CELSR1: variants seen among roughly 807,000 people sequenced by gnomAD.
The protein encoded by CELSR1 is cadherin EGF LAG seven-pass G-type receptor 1.
A neutral mutation model predicts 249.1 loss-of-function variants in CELSR1; 110 were observed. The observed-to-expected ratio is 0.44, with a 90% CI of 0.38 to 0.52. The LOEUF is 0.52. CELSR1 is among the 20% of genes least tolerant of loss of function. The probability of loss-of-function intolerance (pLI) is 0.00; values close to 1 mark genes in which losing one functional copy is unlikely to be tolerated. For missense variants in CELSR1, 4,109 were observed against 4,296.4 expected (o/e 0.96, Z 1.22); for synonymous variants, 2,113 against 1,900.0 (o/e 1.11, Z -2.92).
intron 1 of CELSR1, among the ~76,000 whole-genome samples, chr22:46,531,783 G>A (rs574637284): frequency 5.3e-5 from 8 of 152,306 alleles, no homozygotes; most frequent in Non-Finnish European, 1.0e-4. Context: ...AAATAAAAGA[G>A]TAAAGAAAAC....
chr22:46,383,141 G>C (rs929902945), intron 20 of CELSR1, among the ~76,000 whole-genome samples: 3 of 152,208 alleles, frequency 2.0e-5, no homozygotes, highest in African/African-American at 7.2e-5. Flanking sequence ...ATTAGTTCCA[G>C]AGAGAGCTGG....
chr22:46,385,769 C>T (rs2079025919), intron 19 of CELSR1, among the ~76,000 whole-genome samples: 1 of 151,616 alleles, frequency 6.6e-6, no homozygotes, highest in Non-Finnish European at 1.5e-5. Flanking sequence ...GCTCCGCTTC[C>T]CGGGTTCACG....
chr22:46,388,675 G>A (rs551622268), intron 18 of CELSR1, among the ~76,000 whole-genome samples: 30 of 152,342 alleles, frequency 2.0e-4, no homozygotes, highest in African/African-American at 5.8e-4. Flanking sequence ...GAGCCACAAC[G>A]AAACTTCTGG....
chr22:46,449,456 A>G lies in CELSR1; in HGVS notation c.4184-10045T>C, dbSNP rs2079858092. Among the ~76,000 whole-genome samples the G allele has an allele frequency of 2.6e-5, 4 of 151,502 alleles. No individual in the cohort carries two copies. In the South Asian group the frequency reaches 8.4e-4, roughly 32 times the overall value. On this transcript the variant is annotated intron_variant, in intron 2 of 34. Coordinates refer to ENST00000674500, the MANE Select transcript of CELSR1 (RefSeq NM_001378328.1). ...CCATCCATCCATCCAACCACCCATC[A>G]TGCATCAACCCACCCACCCAACTAT...
intron 27 of CELSR1, 107 bp downstream of exon 27, chr22:46,369,072 T>C (rs1274449970): frequency 1.1e-6 from 1 of 906,826 alleles, no homozygotes; most frequent in Admixed American, 2.1e-5. Context: ...CCAGCCCTCC[T>C]CCATGAGGCC....
rs116723572 is a variant in CELSR1, at chr22:46,483,535, C to T, written c.3545-19190G>A. On this transcript the variant is annotated intron_variant, in intron 1 of 34. Coordinates refer to ENST00000674500, the MANE Select transcript of CELSR1 (RefSeq NM_001378328.1). ...TTCCTCTGTGAACTTGGGCAAGTCACTTAACCTCTATGTGCTTTGGTTTCC... is the reference window on the plus strand; with the variant it reads ...TTCCTCTGTGAACTTGGGCAAGTCATTTAACCTCTATGTGCTTTGGTTTCC... Among the ~76,000 whole-genome samples, 1,206 of 152,264 alleles carry T rather than the reference C, an allele frequency of 7.9e-3. 23 individuals are homozygous for T. Among genetic ancestry groups the T allele is most frequent in the African/African-American group, 0.028 (1,171 of 41,548 alleles).
At position 46,473,986 on chromosome 22, in the gene CELSR1, G is replaced by A. The variant is rs2080181520; in HGVS notation, c.3545-9641C>T. On this transcript the variant is annotated intron_variant, in intron 1 of 34. Transcript: ENST00000674500. The surrounding 1 kb of genome is among the most constrained non-coding windows in gnomAD (Gnocchi z 6.6). ...GAACAAGGGGACAAGCACTTTCAGG[G>A]TTGGGTGTGCGGCGCATGTCAGGAT... 6.6e-6 allele frequency among the ~76,000 whole-genome samples: 1 copy of A among 152,188 alleles called. No homozygotes were observed. Among genetic ancestry groups the A allele is most frequent in the African/African-American group, 2.4e-5 (1 of 41,422 alleles).
Position 46,380,768 on chromosome 22 carries a change from G to C in CELSR1, c.7256+20C>G, listed in dbSNP as rs766075932. On this transcript the variant is annotated intron_variant, in intron 22 of 34. Transcript: ENST00000674500. This position sits in a 1 kb window ranked among gnomAD's most constrained non-coding sequence, Gnocchi z 5.1. ...TGCCTTGGCAAAGCCCTCACATGGG[G>C]CTCCTGGCGTCACACTTACGCCAGG... 7 of 1,606,812 alleles carry C rather than the reference G, an allele frequency of 4.4e-6. No homozygotes were observed. Among genetic ancestry groups the C allele is most frequent in the South Asian group, 2.2e-5 (2 of 90,958 alleles).
intron 1 of CELSR1, among the ~76,000 whole-genome samples, chr22:46,501,297 C>G (rs2080464444): frequency 6.8e-6 from 1 of 147,908 alleles, no homozygotes; most frequent in Admixed American, 6.8e-5. Flanking sequence ...ACTTCCACCT[C>G]CCGATTCAAG....
At chr22:46,496,147 T>C (rs1199329562) in intron 1 of CELSR1, among the ~76,000 whole-genome samples, 1 of 150,230 alleles carries the variant, frequency 6.7e-6, no homozygotes, top group African/African-American at 2.5e-5. Flanking sequence ...TGAGCCAAGA[T>C]GGCACCACTG....
rs201235278 is a variant in CELSR1 at position 46,377,259 on chromosome 22, G to A, written c.7386C>T (p.Asn2462=). ...CAATCTTCAGAGGCAGGACCTCCCC[G>A]TTCTATGGGCAGGAGGGTTAAAGGC... ...AVLMDISRRE[N]GEVLPLKIVT... The change falls in exon 24 of 35, where the codon AAC becomes AAT. Residue 2462 remains asparagine (N), a splice_region_variant and synonymous_variant. Transcript: ENST00000674500. The A allele has an allele frequency of 3.5e-5, 56 of 1,613,710 alleles. No individual in the cohort carries two copies. Among genetic ancestry groups the A allele is most frequent in the South Asian group, 2.4e-4 (22 of 91,058 alleles).
At position 46,384,067 on chromosome 22, in the gene CELSR1, T is replaced by C. The variant is rs181635961; in HGVS notation, c.6883+476A>G. ...CTCATGCCTCAGCCTCCTGAGTAGC[T>C]GGGATTACAGGCGCCCGCCACCGCA... On this transcript the variant is annotated intron_variant, in intron 20 of 34. Coordinates refer to ENST00000674500, the MANE Select transcript of CELSR1 (RefSeq NM_001378328.1). Among the ~76,000 whole-genome samples, 87 of 152,214 alleles carry C rather than the reference T, an allele frequency of 5.7e-4. 1 individual carries two copies. The East Asian group carries it at 0.014, about 24-fold the overall frequency.
chr22:46,536,881 G>A lies in CELSR1; in HGVS notation c.290C>T (p.Ala97Val), dbSNP rs1283464799. 2.4e-6 allele frequency: 3 copies of A among 1,228,640 alleles called. No individual in the cohort carries two copies. The highest frequency in any genetic ancestry group is 8.1e-5 in the East Asian group (2 of 24,696). 76.1% of individuals were successfully genotyped at this position (1,228,640 alleles called of 1,614,324 possible). A position where few individuals can be genotyped will look rare whatever the true frequency, so the allele number is the denominator to read the frequency against. The change falls in exon 1 of 35, where the codon GCC becomes GTC. Residue 97 changes from alanine (A) to valine (V), a missense_variant. Ala to Val is a moderately conservative substitution (Grantham distance 64). Coordinates refer to ENST00000674500, the MANE Select transcript of CELSR1 (RefSeq NM_001378328.1). ...PLQVRLVARS[A>V]PTALSRRLRA... is the part of the protein sequence containing the mutation. ...CAGGCGGCGGCTCAGCGCCGTCGGG[G>A]CACTGCGGGCCACCAAGCGGACTTG...
rs1346003568 is a variant in CELSR1, at chr22:46,410,497, C to G, written c.4834G>C (p.Val1612Leu). The G allele has an allele frequency of 6.2e-7, 1 of 1,614,110 alleles. No individual in the cohort carries two copies. Among genetic ancestry groups the G allele is most frequent in the East Asian group, 2.2e-5 (1 of 44,856 alleles). ...CAGCCCACGAACTGCCGGTTGTGCA[C>G]TGGGAAGTCTTCTGGCAGGTTGGGG... ...GVPNLPEDFP[V>L]HNRQFVGCMR... Residue 1612 changes from valine to leucine, a missense_variant, in exon 7 of 35, where the codon GTG becomes CTG. Physicochemically the swap from Val to Leu is conservative, Grantham distance 32 (BLOSUM62 1). Coordinates refer to ENST00000674500, the MANE Select transcript of CELSR1 (RefSeq NM_001378328.1). This position sits in a 1 kb window ranked among gnomAD's most constrained non-coding sequence, Gnocchi z 6.8.
chr22:46,439,200 G>A lies in CELSR1; in HGVS notation c.4395C>T (p.Thr1465=). The A allele has an allele frequency of 6.2e-7, 1 of 1,613,270 alleles. No homozygotes were observed. Among genetic ancestry groups the A allele is most frequent in the South Asian group, 1.1e-5 (1 of 91,054 alleles). The part of the protein sequence containing the change: ...FRGLRQRFHF[T]ISLTFATQER... ...GGACGCACACTCACGTGAGGGAGAT[G>A]GTGAAGTGGAAGCGCTGTCTCAGGC... The change falls in exon 3 of 35, where the codon ACC becomes ACT. Residue 1465 remains threonine, a synonymous_variant. Coordinates refer to ENST00000674500, the MANE Select transcript of CELSR1 (RefSeq NM_001378328.1).
intron 1 of CELSR1, among the ~76,000 whole-genome samples, chr22:46,485,458 C>T (rs1260371932): frequency 6.6e-6 from 1 of 152,118 alleles, no homozygotes; most frequent in Non-Finnish European, 1.5e-5. Flanking sequence ...CTCAAAGCTC[C>T]GTTTGGACGG....
chr22:46,482,702 A>C (rs1297514579), intron 1 of CELSR1, among the ~76,000 whole-genome samples: 1 of 152,068 alleles, frequency 6.6e-6, no homozygotes, highest in East Asian at 1.9e-4. Context: ...TGAAAGAACA[A>C]AATCCCGCCT....
rs9616003 is a variant in CELSR1, at chr22:46,423,079, C to G, written c.4611+10314G>C. 1.3e-5 allele frequency among the ~76,000 whole-genome samples: 2 copies of G among 152,032 alleles called. No homozygotes were observed. Among genetic ancestry groups the G allele is most frequent in the Non-Finnish European group, 2.9e-5 (2 of 68,004 alleles). On this transcript the variant is annotated intron_variant, in intron 5 of 34. Coordinates refer to ENST00000674500, the MANE Select transcript of CELSR1 (RefSeq NM_001378328.1). This position sits in a 1 kb window ranked among gnomAD's most constrained non-coding sequence, Gnocchi z 5.6. ...AACAGGACATCAGGGCACAAGGACA[C>G]GAGATAAGGCCTGGAAAGCACCGTG...
chr22:46,367,797 CCAG>C lies in CELSR1; in HGVS notation c.8008_8010del (p.Leu2670del). ...GCATCGCGGTTCACAGCCAGCAGCC[CCAG>C]CAGCCAGGTGGCGCTGATGAGCAGC... On this transcript the variant is annotated inframe_deletion, in exon 28 of 35. Transcript: ENST00000674500. 2 of 1,611,734 alleles carry C rather than the reference CCAG, an allele frequency of 1.2e-6. No individual in the cohort carries two copies. Among genetic ancestry groups the C allele is most frequent in the Non-Finnish European group, 1.7e-6 (2 of 1,179,688 alleles).
Sources: gnomAD v4.1 joint callset for allele counts (sites outside exome capture counted in the v4.1 genomes callset) on GRCh38, gnomAD v4.1.1 for gene constraint, Gnocchi (gnomAD v3.1) non-coding constraint, MANE v1.5 for transcripts, NCBI Gene and HGNC (gene_info 2026-07-23, HGNC 2026-07-21) for gene names.